LGMN: variants seen among roughly 807,000 people sequenced by gnomAD.
The protein encoded by LGMN is asparaginyl endopeptidase.
LGMN carries 36 observed loss-of-function variants against 56.8 expected under a neutral mutation model. That is an observed-to-expected ratio of 0.63 (90% CI 0.49 to 0.84). The LOEUF (loss-of-function observed/expected upper bound fraction) is 0.84, where lower values mean the gene tolerates loss of function less well. LGMN is among the 40% of genes least tolerant of loss of function. The probability of loss-of-function intolerance (pLI) is 0.00; values close to 1 mark genes in which losing one functional copy is unlikely to be tolerated. For missense variants in LGMN, 446 were observed against 556.1 expected (o/e 0.80, Z 1.99); for synonymous variants, 199 against 210.1 (o/e 0.95, Z 0.46).
At position 92,704,365 on chromosome 14, in the gene LGMN, C is replaced by G; in HGVS notation, c.1260-4G>C. On this transcript the variant is annotated splice_region_variant and splice_polypyrimidine_tract_variant and intron_variant, in intron 13 of 13. Coordinates refer to ENST00000334869, the MANE Select transcript of LGMN (RefSeq NM_005606.7). ...GTGGTCCATGGACAATTTTATCCTG[C>G]GAGAGACAGGAAGGAGAACTTGGTG... The G allele has an allele frequency of 6.3e-7, 1 of 1,597,760 alleles. No homozygotes were observed. Among genetic ancestry groups the G allele is most frequent in the Non-Finnish European group, 8.6e-7 (1 of 1,167,176 alleles).
intron 1 of LGMN, among the ~76,000 whole-genome samples, chr14:92,735,511 G>C (rs1298826466): frequency 1.3e-5 from 2 of 152,084 alleles, no homozygotes; most frequent in African/African-American, 4.8e-5. Flanking sequence ...CTGGCCATGA[G>C]ACTGCATTTC....
chr14:92,707,909 T>G (rs1195106311), intron 11 of LGMN, among the ~76,000 whole-genome samples: 2 of 152,152 alleles, frequency 1.3e-5, no homozygotes, highest in African/African-American at 4.8e-5. Context: ...CCCAGAACTT[T>G]GGGAGGCTGA....
At chr14:92,721,085 T>A (rs912084783) in intron 2 of LGMN, among the ~76,000 whole-genome samples, 2 of 151,954 alleles carry the variant, frequency 1.3e-5, no homozygotes, top group African/African-American at 4.8e-5. Context: ...AGAGTCAGGG[T>A]CTCGCTATGT....
chr14:92,717,459 T>C lies in LGMN; in HGVS notation c.239A>G (p.Asn80Ser), dbSNP rs147987484. The part of the protein sequence containing the change: ...MYDDIAYSED[N>S]PTPGIVINRP... ...GTTGATCACAATTCCTGGAGTGGGATTGCTGAAAATTAAAGGACACAATTT... is the reference window on the plus strand; with the variant it reads ...GTTGATCACAATTCCTGGAGTGGGACTGCTGAAAATTAAAGGACACAATTT... The change falls in exon 4 of 14, where the codon AAT (asparagine) becomes AGT (serine). Residue 80 changes from asparagine (N) to serine (S), a missense_variant and splice_region_variant. Coordinates refer to ENST00000334869, the MANE Select transcript of LGMN (RefSeq NM_005606.7). 9.3e-6 allele frequency: 15 copies of C among 1,610,890 alleles called. No homozygotes were observed. Among genetic ancestry groups the C allele is most frequent in the African/African-American group, 6.7e-5 (5 of 74,862 alleles).
At position 92,714,282 on chromosome 14, in the gene LGMN, G is replaced by A. The variant is rs1182048314; in HGVS notation, c.480+94C>T. The A allele has an allele frequency of 3.5e-6, 3 of 860,130 alleles. No homozygotes were observed. Among genetic ancestry groups the A allele is most frequent in the African/African-American group, 3.3e-5 (2 of 59,712 alleles). The allele number at this position is 860,130 out of a possible 1,614,324, so 53.3% of individuals were successfully genotyped here. A position where few individuals can be genotyped will look rare whatever the true frequency, so the allele number is the denominator to read the frequency against. ...CACACGTACAAACCAACCCTGGCAG[G>A]ACACTAGAAAATACACGCTATGGGT... is the stretch of plus-strand genomic sequence containing the variant. On this transcript the variant is annotated intron_variant, in intron 6 of 13. Coordinates refer to ENST00000334869, the MANE Select transcript of LGMN (RefSeq NM_005606.7). The surrounding 1 kb of genome is among the most constrained non-coding windows in gnomAD (Gnocchi z 5.1).
intron 12 of LGMN, among the ~76,000 whole-genome samples, chr14:92,705,970 C>G (rs1038752921): frequency 6.6e-6 from 1 of 152,168 alleles, no homozygotes; most frequent in African/African-American, 2.4e-5. Context: ...GGGGGAGAAA[C>G]AGACCTGTAG....
chr14:92,727,945 G>C (rs1242404789), intron 2 of LGMN, among the ~76,000 whole-genome samples: 7 of 152,238 alleles, frequency 4.6e-5, no homozygotes, highest in African/African-American at 1.7e-4. Context: ...CATCAAGTCT[G>C]TTTTAATGCT....
intron 1 of LGMN, among the ~76,000 whole-genome samples, chr14:92,743,363 C>T (rs1891656613): frequency 6.6e-6 from 1 of 152,176 alleles, no homozygotes; most frequent in South Asian, 2.1e-4. Context: ...ATTAGCCAGG[C>T]GTGGTGGCGG....
At position 92,719,134 on chromosome 14, in the gene LGMN, G is replaced by A. The variant is rs140781144; in HGVS notation, c.139-290C>T. Among the ~76,000 whole-genome samples, 222 of 139,942 alleles carry A rather than the reference G, an allele frequency of 1.6e-3. 5 individuals carry two copies. The South Asian group carries it at 0.048, about 30-fold the overall frequency. 91.8% of individuals were successfully genotyped at this position (139,942 alleles called of 152,430 possible). On this transcript the variant is annotated intron_variant, in intron 2 of 13. Coordinates refer to ENST00000334869, the MANE Select transcript of LGMN (RefSeq NM_005606.7). The stretch of plus-strand genomic sequence containing the variant: ...TACACACCCCACCACCACAACCACC[G>A]CCACCGCCACCACCACCGCCACTGC...
intron 8 of LGMN, 64 bp downstream of exon 8, chr14:92,712,741 T>G: frequency 6.8e-7 from 1 of 1,461,626 alleles, no homozygotes; most frequent in Non-Finnish European, 9.5e-7. Context: ...CTCAGTTCCA[T>G]GTCAGCGGTG....
At chr14:92,724,510 T>C (rs1011771672) in intron 2 of LGMN, among the ~76,000 whole-genome samples, 43 of 152,208 alleles carry the variant, frequency 2.8e-4, no homozygotes, top group African/African-American at 1.0e-3. Flanking sequence ...TCAAACAATG[T>C]GAAAATGGTG....
At chr14:92,708,839 G>T (rs985939959) in intron 11 of LGMN, among the ~76,000 whole-genome samples, 2 of 109,352 alleles carry the variant, frequency 1.8e-5, no homozygotes, top group African/African-American at 7.1e-5. Flanking sequence ...CCTGGCGACA[G>T]AGCAAGACTC....
intron 2 of LGMN, among the ~76,000 whole-genome samples, chr14:92,722,935 CCT>C (rs1890553242): frequency 6.6e-6 from 1 of 152,192 alleles, no homozygotes; most frequent in Non-Finnish European, 1.5e-5. Flanking sequence ...GAACCAAGAG[CCT>C]CCATACATAC....
At chr14:92,728,854 C>G (rs1890877644) in intron 2 of LGMN, among the ~76,000 whole-genome samples, 1 of 152,120 alleles carries the variant, frequency 6.6e-6, no homozygotes, top group African/African-American at 2.4e-5. Context: ...ACCCCCACAT[C>G]TTACAATGGA....
intron 2 of LGMN, among the ~76,000 whole-genome samples, chr14:92,725,384 A>G (rs1293085374): frequency 6.6e-6 from 1 of 152,076 alleles, no homozygotes; most frequent in Non-Finnish European, 1.5e-5. Flanking sequence ...CTTCATCTCT[A>G]TAAAAAAAAA....
intron 2 of LGMN, 64 bp downstream of exon 2, chr14:92,732,585 G>A: frequency 6.4e-7 from 1 of 1,550,798 alleles, no homozygotes; most frequent in East Asian, 2.2e-5. Flanking sequence ...AATATTAACA[G>A]TGTCTGGAAT....
At chr14:92,730,878 C>G (rs987154690) in intron 2 of LGMN, among the ~76,000 whole-genome samples, 1 of 150,794 alleles carries the variant, frequency 6.6e-6, no homozygotes, top group Non-Finnish European at 1.5e-5. Context: ...TGCAGTGAGC[C>G]GAGATCGCGC....
In LGMN at chr14:92,703,955, TAA is replaced by T. The variant is rs1468916554; in HGVS notation, c.*362_*363del. ...CTTCAATAAAATCATTCTGAAGATT[TAA>T]AGAGGTTTCAGCTTCAAATTCTCAG... is the stretch of plus-strand genomic sequence containing the variant. On this transcript the variant is annotated 3_prime_UTR_variant, in exon 14 of 14. Coordinates refer to ENST00000334869, the MANE Select transcript of LGMN (RefSeq NM_005606.7). 8.8e-5 allele frequency: 51 copies of T among 580,742 alleles called. No homozygotes were observed. The South Asian group carries it at 1.1e-3, about 12-fold the overall frequency. The allele number at this position is 580,742 out of a possible 1,614,324, so 36.0% of individuals were successfully genotyped here. A position where few individuals can be genotyped will look rare whatever the true frequency, so the allele number is the denominator to read the frequency against.
chr14:92,709,252 G>A (rs543871546), intron 11 of LGMN, among the ~76,000 whole-genome samples: 85 of 152,094 alleles, frequency 5.6e-4, no homozygotes, highest in South Asian at 4.1e-3. Context: ...GAATCCTCCT[G>A]CCTCAGCCCC....
Sources: allele counts gnomAD v4.1 joint callset (sites outside exome capture counted in the v4.1 genomes callset), GRCh38; gene constraint gnomAD v4.1.1; non-coding constraint Gnocchi (gnomAD v3.1); transcripts MANE v1.5; gene names NCBI Gene and HGNC (gene_info 2026-07-23, HGNC 2026-07-21).